The following QRICH2 variants were observed in gnomAD, a reference collection of about 807,000 sequenced individuals.
QRICH2 encodes glutamine rich 2.
Under a neutral mutation model 168.3 loss-of-function variants are expected in QRICH2, and 119 were observed. The ratio of observed to expected loss-of-function variants is 0.71; its 90% CI spans 0.61 to 0.82. The LOEUF (loss-of-function observed/expected upper bound fraction) is 0.82. Among genes scored for constraint, QRICH2 ranks in the 40% least tolerant of loss-of-function variants. The pLI is 0.00. For missense variants in QRICH2, 2,241 were observed against 2,491.6 expected (o/e 0.90, Z 2.14); for synonymous variants, 894 against 951.2 (o/e 0.94, Z 1.11).
At chr17:76,275,978 C>T (rs1406622922) in intron 17 of QRICH2, 31 bp from the exon 18 acceptor site, 29 of 1,599,500 alleles carry the variant, frequency 1.8e-5, no homozygotes, top group Non-Finnish European at 2.2e-5. Context: ...AGGGTCAGTG[C>T]TGAGGCAGCG....
chr17:76,279,440 G>A lies in QRICH2; in HGVS notation c.4749-12C>T. The A allele has an allele frequency of 1.2e-6, 2 of 1,605,876 alleles. No homozygotes were observed. Among genetic ancestry groups the A allele is most frequent in the Admixed American group, 1.7e-5 (1 of 59,172 alleles). On this transcript the variant is annotated splice_polypyrimidine_tract_variant and intron_variant, in intron 12 of 18. Transcript: ENST00000680821. ...GTGCCAGGAGCTGCCTGTTAGGAATGGGACGCACACGCAGGGTGAGTGCTC... is the reference window on the plus strand; with the variant it reads ...GTGCCAGGAGCTGCCTGTTAGGAATAGGACGCACACGCAGGGTGAGTGCTC...
upstream of QRICH2, chr17:76,308,302 T>C (rs1480331570): frequency 3.0e-6 from 3 of 985,246 alleles, no homozygotes; most frequent in African/African-American, 5.2e-5. Context: ...CCGCGTGCCC[T>C]GAAGATTCCA....
rs2070966738 is a variant in QRICH2 at position 76,304,946 on chromosome 17, A to G, written c.535-5T>C. On this transcript the variant is annotated splice_region_variant and splice_polypyrimidine_tract_variant and intron_variant, in intron 1 of 18. Transcript: ENST00000680821. ...ATCAACCCGCTGTAAAAGTACCTGG[A>G]AGAAGAGTTCAGGAAAGGAGAATGA... is the stretch of plus-strand genomic sequence containing the variant. 1 of 1,611,464 alleles carries G rather than the reference A, an allele frequency of 6.2e-7. No homozygotes were observed. The highest frequency in any genetic ancestry group is 1.7e-5 in the Admixed American group (1 of 59,940).
At chr17:76,303,985 A>G (rs1405471460) in intron 3 of QRICH2, among the ~76,000 whole-genome samples, 1 of 152,050 alleles carries the variant, frequency 6.6e-6, no homozygotes, top group Non-Finnish European at 1.5e-5. Flanking sequence ...GCATTTCAGG[A>G]CAGACTGTAA....
chr17:76,281,044 C>T lies in QRICH2; in HGVS notation c.4264-91G>A. 3 of 1,512,430 alleles carry T rather than the reference C, an allele frequency of 2.0e-6. No individual in the cohort carries two copies. The highest frequency in any genetic ancestry group is 2.7e-6 in the Non-Finnish European group (3 of 1,130,694). 93.7% of individuals were successfully genotyped at this position (1,512,430 alleles called of 1,614,324 possible). A position where few individuals can be genotyped will look rare whatever the true frequency, so the allele number is the denominator to read the frequency against. Reference sequence around the variant, plus strand: ...ATATTGCTGCCCCAGGTAAGTTGGCCCTTAAAACATCTGCAAGGCTGGGAG... The same window carrying T: ...ATATTGCTGCCCCAGGTAAGTTGGCTCTTAAAACATCTGCAAGGCTGGGAG... On this transcript the variant is annotated intron_variant, in intron 8 of 18. Transcript: ENST00000680821. The surrounding 1 kb of genome is among the most constrained non-coding windows in gnomAD (Gnocchi z 4.4).
rs557984318 is a variant in QRICH2 at position 76,292,482 on chromosome 17, G to A, written c.2245C>T (p.Arg749Cys). ...GLAQPRADHQ[R>C]GLVPPGADQR... ...TCTGCACCAGGTGGGACCAAACCAC[G>A]CTGATGATCTGCACGAGGTTGTGCC... Residue 749 changes from arginine to cysteine, a missense_variant, in exon 4 of 19, where the codon CGT becomes TGT. Physicochemically the swap from Arg to Cys is radical, Grantham distance 180. Transcript: ENST00000680821. 14 of 1,514,724 alleles carry A rather than the reference G, an allele frequency of 9.2e-6. No homozygotes were observed. Among genetic ancestry groups the A allele is most frequent in the Middle Eastern group, 1.7e-4 (1 of 5,792 alleles). 93.8% of individuals were successfully genotyped at this position (1,514,724 alleles called of 1,614,324 possible).
chr17:76,296,264 T>C (rs1312507338), intron 3 of QRICH2, among the ~76,000 whole-genome samples: 1 of 152,116 alleles, frequency 6.6e-6, no homozygotes, highest in Non-Finnish European at 1.5e-5. Flanking sequence ...AAACGGTGGT[T>C]TCCTACATAC....
At chr17:76,274,779 A>G (rs2070643023) in intron 18 of QRICH2, among the ~76,000 whole-genome samples, 1 of 151,348 alleles carries the variant, frequency 6.6e-6, no homozygotes, top group Non-Finnish European at 1.5e-5. Flanking sequence ...TTGGCTTTGA[A>G]CTCCAGCTCT....
Position 76,287,828 on chromosome 17 carries a change from C to T in QRICH2, c.3868G>A (p.Glu1290Lys). The change falls in exon 6 of 19, where the codon GAG becomes AAG. Residue 1290 changes from glutamate (E) to lysine (K), a missense_variant. Physicochemically the swap from Glu to Lys is moderately conservative, Grantham distance 56 (BLOSUM62 1). Transcript: ENST00000680821. ...AGGACACCCAGCTGCAATCTCAGCT[C>T]TCCAGCTTTCAGTTCCTTCCCTGCT... ...QEAGKELKAG[E>K]LRLQLGVLRV... 6.2e-7 allele frequency: 1 copy of T among 1,614,078 alleles called. No individual in the cohort carries two copies. The highest frequency in any genetic ancestry group is 8.5e-7 in the Non-Finnish European group (1 of 1,179,956).
upstream of QRICH2, chr17:76,308,282 G>A (rs979078891): frequency 6.1e-6 from 6 of 985,266 alleles, no homozygotes; most frequent in African/African-American, 7.0e-5. Context: ...CGTTTGAAAC[G>A]TGGGGGCCCC....
chr17:76,281,773 C>T lies in QRICH2; in HGVS notation c.4263+91G>A, dbSNP rs529076448. On this transcript the variant is annotated intron_variant, in intron 8 of 18. Transcript: ENST00000680821. The surrounding 1 kb of genome is among the most constrained non-coding windows in gnomAD (Gnocchi z 4.4). Reference sequence around the variant, plus strand: ...GAGAGCTGACCTTGAGGCCCAAACACCCGCCCCACTTCTGTGGGTCTGCAG... The same window carrying T: ...GAGAGCTGACCTTGAGGCCCAAACATCCGCCCCACTTCTGTGGGTCTGCAG... 3.3e-6 allele frequency: 5 copies of T among 1,523,230 alleles called. No individual in the cohort carries two copies. Among genetic ancestry groups the T allele is most frequent in the East Asian group, 4.5e-5 (2 of 44,046 alleles). The allele number at this position is 1,523,230 out of a possible 1,614,324, so 94.4% of individuals were successfully genotyped here. A position where few individuals can be genotyped will look rare whatever the true frequency, so the allele number is the denominator to read the frequency against.
rs1219983652 is a variant in QRICH2, at chr17:76,307,728, C to T, written c.271G>A (p.Val91Met). ...AGCGCTGACGAAGGCGCCTGGCCCA[C>T]GCCCCTGCGCTTCTCCCGGGGCGCC... is the stretch of plus-strand genomic sequence containing the variant. ...KGAPREKRRG[V>M]GQAPSSALES... is the part of the protein sequence containing the mutation. Residue 91 changes from valine (V) to methionine (M), a missense_variant, in exon 1 of 19, where the codon GTG becomes ATG. Val to Met is a conservative substitution (Grantham distance 21). Around this residue, in one of 3 missense-constraint regions of QRICH2, gnomAD observed 2,047 missense variants for 2,303.8 expected, o/e 0.89. Coordinates refer to ENST00000680821, the MANE Select transcript of QRICH2 (RefSeq NM_001388453.1). This position sits in a 1 kb window ranked among gnomAD's most constrained non-coding sequence, Gnocchi z 5.3. 2.1e-6 allele frequency: 3 copies of T among 1,396,606 alleles called. No homozygotes were observed. The highest frequency in any genetic ancestry group is 1.5e-5 in the African/African-American group (1 of 67,462). 86.5% of individuals were successfully genotyped at this position (1,396,606 alleles called of 1,614,324 possible).
Position 76,281,078 on chromosome 17 carries a change from C to T in QRICH2, c.4264-125G>A. On this transcript the variant is annotated intron_variant, in intron 8 of 18. Transcript: ENST00000680821. This position sits in a 1 kb window ranked among gnomAD's most constrained non-coding sequence, Gnocchi z 4.4. ...ATCTGCAAGGCTGGGAGCGGTGGCTCATGCCTGTAGTCCTGGCACTTTGGG... is the reference window on the plus strand; with the variant it reads ...ATCTGCAAGGCTGGGAGCGGTGGCTTATGCCTGTAGTCCTGGCACTTTGGG... 7.4e-7 allele frequency: 1 copy of T among 1,345,378 alleles called. No homozygotes were observed. Among genetic ancestry groups the T allele is most frequent in the Non-Finnish European group, 1.0e-6 (1 of 999,592 alleles). 83.3% of individuals were successfully genotyped at this position (1,345,378 alleles called of 1,614,324 possible). A position where few individuals can be genotyped will look rare whatever the true frequency, so the allele number is the denominator to read the frequency against.
At chr17:76,279,903 A>G in intron 12 of QRICH2, 130 bp downstream of exon 12, 1 of 1,133,618 alleles carries the variant, frequency 8.8e-7, no homozygotes, top group Non-Finnish European at 1.2e-6. Flanking sequence ...CTGTCCCTCC[A>G]ACCATGGGAC....
At position 76,280,884 on chromosome 17, in the gene QRICH2, T is replaced by C; in HGVS notation, c.4333A>G (p.Ile1445Val). 6.2e-7 allele frequency: 1 copy of C among 1,613,562 alleles called. No homozygotes were observed. The highest frequency in any genetic ancestry group is 8.5e-7 in the Non-Finnish European group (1 of 1,180,002). ...QVQGDCEKLNITTSNLIEDHR... is the reference protein window; with the variant it reads ...QVQGDCEKLNVTTSNLIEDHR... The stretch of plus-strand genomic sequence containing the variant: ...TCCTCGATGAGGTTGCTGGTGGTGA[T>C]GTTGAGCTTCTCGCAGTCACCCTGC... Residue 1445 changes from isoleucine (I) to valine (V), a missense_variant, in exon 9 of 19, where the codon ATC becomes GTC. Transcript: ENST00000680821. The surrounding 1 kb of genome is among the most constrained non-coding windows in gnomAD (Gnocchi z 7.4).
At position 76,280,440 on chromosome 17, in the gene QRICH2, CTT is replaced by C. The variant is rs1336986662; in HGVS notation, c.4471_4472del (p.Lys1491GlufsTer13). ...GGCTCACTTTGGTGGCCAGAGCACTCTTGTCGGCTTTCTGCCCAGAGACAGAC... is the reference window on the plus strand; with the variant it reads ...GGCTCACTTTGGTGGCCAGAGCACTCGTCGGCTTTCTGCCCAGAGACAGAC... ...LEMEIDVKAD[K>X]SALATKVSRV... On this transcript the variant is annotated frameshift_variant, in exon 11 of 19. Coordinates refer to ENST00000680821, the MANE Select transcript of QRICH2 (RefSeq NM_001388453.1). LOFTEE classifies it high-confidence loss of function. The surrounding 1 kb of genome is among the most constrained non-coding windows in gnomAD (Gnocchi z 7.4). 1 of 1,613,896 alleles carries C rather than the reference CTT, an allele frequency of 6.2e-7. No homozygotes were observed. Among genetic ancestry groups the C allele is most frequent in the Non-Finnish European group, 8.5e-7 (1 of 1,179,898 alleles).
chr17:76,296,777 C>CAAAA (rs758967969), intron 3 of QRICH2, among the ~76,000 whole-genome samples: 4 of 90,778 alleles, frequency 4.4e-5, no homozygotes, highest in African/African-American at 8.2e-5. Context: ...GGCTCTGTCT[C>CAAAA]AAAAAAAAAA....
At chr17:76,303,945 A>G (rs2070947454) in intron 3 of QRICH2, among the ~76,000 whole-genome samples, 1 of 151,570 alleles carries the variant, frequency 6.6e-6, no homozygotes, top group South Asian at 2.1e-4. Context: ...AGGGTCTGTC[A>G]CCATGGTCCA....
chr17:76,279,325 G>A, intron 13 of QRICH2, 38 bp downstream of exon 13: 1 of 1,567,800 alleles, frequency 6.4e-7, no homozygotes, highest in Non-Finnish European at 8.8e-7. Flanking sequence ...ACGCAGCCCT[G>A]CCATGCGAGG....
Sources: gnomAD v4.1 joint callset for allele counts (sites outside exome capture counted in the v4.1 genomes callset) on GRCh38, gnomAD v4.1.1 for gene constraint, gnomAD v4.1.1 regional missense constraint, Gnocchi (gnomAD v3.1) non-coding constraint, MANE v1.5 for transcripts, NCBI Gene and HGNC (gene_info 2026-07-23, HGNC 2026-07-21) for gene names.